The following SMPDL3A variants were observed in gnomAD, a reference collection of about 807,000 sequenced individuals.
SMPDL3A encodes cyclic GMP-AMP phosphodiesterase SMPDL3A.
A neutral mutation model predicts 38.5 loss-of-function variants in SMPDL3A; 39 were observed. That is an observed-to-expected ratio of 1.01 (90% CI 0.78 to 1.32). SMPDL3A has a LOEUF of 1.32. Ranked by LOEUF, SMPDL3A falls within the 40% of genes most tolerant of loss-of-function variation. SMPDL3A has a pLI of 0.00. For synonymous variants in SMPDL3A, 180 were observed against 194.3 expected, an observed-to-expected ratio of 0.93 and a Z score of 0.61; for missense variants, 502 against 536.2, an observed-to-expected ratio of 0.94 and a Z score of 0.63.
At chr6:122,793,592 T>A (rs1331968548) in intron 1 of SMPDL3A, among the ~76,000 whole-genome samples, 1 of 152,206 alleles carries the variant, frequency 6.6e-6, no homozygotes, top group African/African-American at 2.4e-5. Context: ...TTCTGCATTA[T>A]GGAATAAAAT....
At chr6:122,803,605 C>A in intron 4 of SMPDL3A, 59 bp from the exon 5 acceptor site, 1 of 1,359,792 alleles carries the variant, frequency 7.4e-7, no homozygotes, top group Non-Finnish European at 1.0e-6. Context: ...AATTTGCTTT[C>A]ACAATGTTTG....
chr6:122,806,854 G>T (rs1237290694), intron 7 of SMPDL3A, among the ~76,000 whole-genome samples: 1 of 152,154 alleles, frequency 6.6e-6, no homozygotes, highest in Non-Finnish European at 1.5e-5. Flanking sequence ...AAAGCACTTA[G>T]AAAAACGCTT....
In SMPDL3A at chr6:122,806,172, T is replaced by C. The variant is rs1283562158; in HGVS notation, c.920-61T>C. 5.6e-6 allele frequency: 8 copies of C among 1,432,564 alleles called. No individual in the cohort carries two copies. The African/African-American group carries it at 1.1e-4, about 21-fold the overall frequency. The allele number at this position is 1,432,564 out of a possible 1,614,324, so 88.7% of individuals were successfully genotyped here. A position where few individuals can be genotyped will look rare whatever the true frequency, so the allele number is the denominator to read the frequency against. On this transcript the variant is annotated intron_variant, in intron 6 of 7. Coordinates refer to ENST00000368440, the MANE Select transcript of SMPDL3A (RefSeq NM_006714.5). ...AATCTCTTAATCTGGAAACTTTATA[T>C]TTTTAATATAGTTAAACTCTTATTT...
chr6:122,797,073 T>A, intron 3 of SMPDL3A, 105 bp downstream of exon 3: 1 of 887,800 alleles, frequency 1.1e-6, no homozygotes, highest in Non-Finnish European at 1.8e-6. Context: ...ATGGGTCTTA[T>A]AGAGGGAGAA....
At chr6:122,803,932 T>C (rs2115172960) in intron 5 of SMPDL3A, 99 bp downstream of exon 5, 3 of 972,052 alleles carry the variant, frequency 3.1e-6, no homozygotes, top group Non-Finnish European at 4.6e-6. Context: ...AAAAGTATTA[T>C]AATTTGAAGA....
In SMPDL3A at chr6:122,809,514, C is replaced by A; in HGVS notation, c.*106C>A. On this transcript the variant is annotated 3_prime_UTR_variant, in exon 8 of 8. Transcript: ENST00000368440. ...AATTACTGAGTGGGCAAGTAGACTTCCTGTCTTTGCTTTCTTTTTTTTTTT... is the reference window on the plus strand; with the variant it reads ...AATTACTGAGTGGGCAAGTAGACTTACTGTCTTTGCTTTCTTTTTTTTTTT... The A allele has an allele frequency of 1.3e-6, 1 of 763,192 alleles. No homozygotes were observed. Among genetic ancestry groups the A allele is most frequent in the South Asian group, 1.9e-5 (1 of 51,710 alleles). The allele number at this position is 763,192 out of a possible 1,614,324, so 47.3% of individuals were successfully genotyped here.
At chr6:122,790,644 G>A (rs1459403014) in intron 1 of SMPDL3A, among the ~76,000 whole-genome samples, 1 of 152,150 alleles carries the variant, frequency 6.6e-6, no homozygotes, top group Non-Finnish European at 1.5e-5. Context: ...TGTAAATCTG[G>A]TTTCCGAACT....
In SMPDL3A at chr6:122,803,847, A is replaced by G. The variant is rs186028338; in HGVS notation, c.738+14A>G. On this transcript the variant is annotated intron_variant, in intron 5 of 7. Transcript: ENST00000368440. ...AATAAGGAGAAGGTAGATCCCATAG[A>G]CCAAAACCATCTGGGAATAAACGGA... 1.9e-6 allele frequency: 3 copies of G among 1,608,678 alleles called. No individual in the cohort carries two copies. The South Asian group carries it at 3.3e-5, about 18-fold the overall frequency.
chr6:122,801,531 C>G (rs557648267), intron 4 of SMPDL3A, 125 bp downstream of exon 4: 1 of 691,206 alleles, frequency 1.4e-6, no homozygotes, highest in South Asian at 1.7e-5. Flanking sequence ...TTGTGGAGGA[C>G]AGTGAGTAGT....
In SMPDL3A at chr6:122,796,885, A is replaced by G; in HGVS notation, c.388A>G (p.Thr130Ala). The G allele has an allele frequency of 1.2e-6, 2 of 1,612,974 alleles. No individual in the cohort carries two copies. Among genetic ancestry groups the G allele is most frequent in the Non-Finnish European group, 1.7e-6 (2 of 1,178,984 alleles). Residue 130 changes from threonine to alanine, a missense_variant, in exon 3 of 8, where the codon ACT becomes GCT. Transcript: ENST00000368440. Reference protein sequence around the residue: ...LSTDTVINVITNMTTTIQSLF... With the variant: ...LSTDTVINVIANMTTTIQSLF... ...AACAGACACTGTTATAAATGTGATC[A>G]CTAATATGACAACCACCATCCAGAG...
intron 7 of SMPDL3A, among the ~76,000 whole-genome samples, chr6:122,807,084 G>GA: frequency 1.5e-5 from 1 of 64,522 alleles, no homozygotes; most frequent in African/African-American, 4.3e-5. Flanking sequence ...GTAGAGATGG[G>GA]GGGGGGGGGT....
intron 1 of SMPDL3A, 126 bp from the exon 2 acceptor site, chr6:122,795,551 T>G (rs533531288): frequency 1.4e-4 from 96 of 691,810 alleles, no homozygotes; most frequent in Middle Eastern, 1.3e-3. Flanking sequence ...TTATGAACAT[T>G]TAAATTACCA....
Position 122,789,470 on chromosome 6 carries a change from G to A in SMPDL3A, c.112+12G>A. ...TCCTCCGGCGATAGGTGAGTTGTCCGCGACCCTTCTCTTCCCAGCCGGCAA... is the reference window on the plus strand; with the variant it reads ...TCCTCCGGCGATAGGTGAGTTGTCCACGACCCTTCTCTTCCCAGCCGGCAA... On this transcript the variant is annotated intron_variant, in intron 1 of 7. Transcript: ENST00000368440. 1 of 1,542,182 alleles carries A rather than the reference G, an allele frequency of 6.5e-7. No homozygotes were observed. Among genetic ancestry groups the A allele is most frequent in the Non-Finnish European group, 8.8e-7 (1 of 1,139,788 alleles).
chr6:122,795,109 G>A (rs1781199177), intron 1 of SMPDL3A, among the ~76,000 whole-genome samples: 1 of 152,058 alleles, frequency 6.6e-6, no homozygotes, highest in Admixed American at 6.6e-5. Flanking sequence ...AATATTCTTT[G>A]TTAGGTTATC....
chr6:122,803,723 A>C lies in SMPDL3A; in HGVS notation c.628A>C (p.Thr210Pro). Residue 210 changes from threonine to proline, a missense_variant, in exon 5 of 8, where the codon ACA (threonine) becomes CCA (proline). By Grantham distance (38) the Thr-to-Pro change is conservative (BLOSUM62 -1). Coordinates refer to ENST00000368440, the MANE Select transcript of SMPDL3A (RefSeq NM_006714.5). ...AAACCTTAGGATCATCAGTCTAAAC[A>C]CAAACTTGTACTACGGCCCAAATAT... ...NPNLRIISLN[T>P]NLYYGPNIMT... 6.2e-7 allele frequency: 1 copy of C among 1,614,070 alleles called. No homozygotes were observed. Among genetic ancestry groups the C allele is most frequent in the South Asian group, 1.1e-5 (1 of 91,084 alleles).
chr6:122,795,051 T>A (rs1466862214), intron 1 of SMPDL3A, among the ~76,000 whole-genome samples: 3 of 152,224 alleles, frequency 2.0e-5, no homozygotes, highest in African/African-American at 7.2e-5. Flanking sequence ...CATTGGCCTC[T>A]CCGAAGGGTA....
intron 1 of SMPDL3A, among the ~76,000 whole-genome samples, chr6:122,795,114 G>A (rs990962346): frequency 1.3e-5 from 2 of 152,052 alleles, no homozygotes; most frequent in Non-Finnish European, 2.9e-5. Flanking sequence ...TCTTTGTTAG[G>A]TTATCATGCT....
chr6:122,797,457 T>G (rs1781287264), intron 3 of SMPDL3A: 1 of 152,602 alleles, frequency 6.6e-6, no homozygotes, highest in African/African-American at 2.4e-5. Flanking sequence ...AGGTCCATGT[T>G]CAAGTCATAG....
intron 7 of SMPDL3A, among the ~76,000 whole-genome samples, chr6:122,808,218 C>A (rs1223590477): frequency 1.3e-5 from 2 of 152,142 alleles, no homozygotes; most frequent in Admixed American, 1.3e-4. Flanking sequence ...AAGCCTAGAT[C>A]ACCACGCATA....
Sources: allele counts gnomAD v4.1 joint callset (sites outside exome capture counted in the v4.1 genomes callset), GRCh38; gene constraint gnomAD v4.1.1; transcripts MANE v1.5; gene names NCBI Gene and HGNC (gene_info 2026-07-23, HGNC 2026-07-21).